The following LTBR variants were observed in gnomAD, a reference collection of about 807,000 sequenced individuals.
The protein encoded by LTBR is tumor necrosis factor receptor superfamily member 3.
LTBR carries 15 observed loss-of-function variants against 45.4 expected under a neutral mutation model. The ratio of observed to expected loss-of-function variants is 0.33; its 90% CI spans 0.22 to 0.51. LTBR has a LOEUF of 0.51. LTBR is among the 20% of genes least tolerant of loss of function. The probability of loss-of-function intolerance (pLI) is 0.97; values close to 1 mark genes in which losing one functional copy is unlikely to be tolerated. For missense variants in LTBR, 450 were observed against 565.5 expected, an observed-to-expected ratio of 0.80 and a Z score of 2.07; for synonymous variants, 228 against 231.0, an observed-to-expected ratio of 0.99 and a Z score of 0.12.
upstream of LTBR, among the ~76,000 whole-genome samples, chr12:6,380,659 C>T (rs1290861484): frequency 6.7e-6 from 1 of 149,840 alleles, no homozygotes; most frequent in African/African-American, 2.5e-5. Context: ...CATTGCACTC[C>T]AGCCTGGGCG....
rs1324705350 is a variant in LTBR, at chr12:6,388,136, C to T, written c.668-262C>T. The stretch of plus-strand genomic sequence containing the variant: ...TGGTCTCTGAGCAGGAGGGCACCCA[C>T]ACCACCCCCAAACATGCCCATCCAT... On this transcript the variant is annotated intron_variant, in intron 6 of 9. Transcript: ENST00000228918. The surrounding 1 kb of genome is among the most constrained non-coding windows in gnomAD (Gnocchi z 4.3). 4.3e-6 allele frequency: 2 copies of T among 460,892 alleles called. No individual in the cohort carries two copies. Among genetic ancestry groups the T allele is most frequent in the East Asian group, 8.7e-5 (2 of 23,038 alleles). The allele number at this position is 460,892 out of a possible 1,614,324, so 28.6% of individuals were successfully genotyped here. A position where few individuals can be genotyped will look rare whatever the true frequency, so the allele number is the denominator to read the frequency against.
In LTBR at chr12:6,384,657, C is replaced by A. The variant is rs1313041350; in HGVS notation, c.166C>A (p.Arg56Ser). ...AAAGGAATACTATGAGCCCCAGCAC[C>A]GCATCTGCTGCTCCCGCTGCCCGCC... The part of the protein sequence containing the change: ...QEKEYYEPQH[R>S]ICCSRCPPGT... Residue 56 changes from arginine (R) to serine (S), a missense_variant, in exon 2 of 10, where the codon CGC (arginine) becomes AGC (serine). Arg to Ser is a moderately radical substitution (Grantham distance 110, BLOSUM62 -1). Transcript: ENST00000228918. The A allele has an allele frequency of 6.2e-7, 1 of 1,614,214 alleles. No homozygotes were observed. Among genetic ancestry groups the A allele is most frequent in the Non-Finnish European group, 8.5e-7 (1 of 1,180,028 alleles).
At chr12:6,390,375 G>A (rs949037029) in intron 9 of LTBR, 35 bp downstream of exon 9, 68 of 1,521,124 alleles carry the variant, frequency 4.5e-5, no homozygotes, top group Non-Finnish European at 5.8e-5. Context: ...AGGAAGGATG[G>A]GGAGGGAGGG....
chr12:6,381,746 G>A (rs3759328), upstream of LTBR, among the ~76,000 whole-genome samples: 5,413 of 152,282 alleles, frequency 0.036, 315 homozygotes, highest in East Asian at 0.31. Flanking sequence ...AGGCCAAGGC[G>A]GGTGGATCAC....
At chr12:6,375,206 C>T, upstream of LTBR, 1 of 1,445,078 alleles carries the variant, frequency 6.9e-7, no homozygotes, top group African/African-American at 1.4e-5. Context: ...CTCACTCCCT[C>T]TCTATCTGCC....
Position 6,391,525 on chromosome 12 carries a change from A to ATTTT in LTBR, c.*591_*592insTTTT, listed in dbSNP as rs1344819785. ...GGAAGGGGAGGAAAATGGCAAGTGT[A>ATTTT]TTTATATTGTAACCACATGCAAATA... On this transcript the variant is annotated 3_prime_UTR_variant, in exon 10 of 10. Transcript: ENST00000228918. 5 of 152,220 alleles carry ATTTT rather than the reference A, an allele frequency of 3.3e-5. No homozygotes were observed. 9.4% of individuals were successfully genotyped at this position (152,220 alleles called of 1,614,324 possible). A position where few individuals can be genotyped will look rare whatever the true frequency, so the allele number is the denominator to read the frequency against.
Position 6,391,082 on chromosome 12 carries a change from G to T in LTBR, c.*145G>T. ...GATTAAGGCTCAGACACCTCTGAGAGCAGGTGGGCACTGGCTGGGTACGGT... is the reference window on the plus strand; with the variant it reads ...GATTAAGGCTCAGACACCTCTGAGATCAGGTGGGCACTGGCTGGGTACGGT... On this transcript the variant is annotated 3_prime_UTR_variant, in exon 10 of 10. Coordinates refer to ENST00000228918, the MANE Select transcript of LTBR (RefSeq NM_002342.3). The T allele has an allele frequency of 3.6e-6, 3 of 837,674 alleles. No homozygotes were observed. The highest frequency in any genetic ancestry group is 5.2e-6 in the Non-Finnish European group (3 of 580,906). 51.9% of individuals were successfully genotyped at this position (837,674 alleles called of 1,614,324 possible). A position where few individuals can be genotyped will look rare whatever the true frequency, so the allele number is the denominator to read the frequency against.
In LTBR at chr12:6,388,330, C is replaced by G; in HGVS notation, c.668-68C>G. The G allele has an allele frequency of 8.0e-5, 93 of 1,162,470 alleles. No individual in the cohort carries two copies. The highest frequency in any genetic ancestry group is 1.9e-4 in the Middle Eastern group (1 of 5,138). 72.0% of individuals were successfully genotyped at this position (1,162,470 alleles called of 1,614,324 possible). The stretch of plus-strand genomic sequence containing the variant: ...GGGTTGCCCAGGGATCTGGAAAGCT[C>G]TTCCTTCTCCTCCTCCCCTCTGCCC... On this transcript the variant is annotated intron_variant, in intron 6 of 9. Transcript: ENST00000228918. This position sits in a 1 kb window ranked among gnomAD's most constrained non-coding sequence, Gnocchi z 4.3.
Position 6,375,504 on chromosome 12 carries a change from C to T in LTBR, c.-52C>T. 3.3e-6 allele frequency: 5 copies of T among 1,535,616 alleles called. No homozygotes were observed. The highest frequency in any genetic ancestry group is 4.4e-6 in the Non-Finnish European group (5 of 1,146,860). ...GCAGCCAAACCTCTCCTCCCCCTCA[C>T]CTGACAGGTGCAGCGGCCTGGCTGG... On this transcript the variant is annotated 5_prime_UTR_variant, in exon 1 of 10. Coordinates refer to the LTBR transcript ENST00000539925.
rs1443966079 is a variant in LTBR at position 6,390,280 on chromosome 12, C to T, written c.970C>T (p.Pro324Ser). 7.4e-6 allele frequency: 12 copies of T among 1,613,856 alleles called. No homozygotes were observed. Among genetic ancestry groups the T allele is most frequent in the Non-Finnish European group, 1.0e-5 (12 of 1,179,916 alleles). Residue 324 changes from proline (P) to serine (S), a missense_variant, in exon 9 of 10, where the codon CCT (proline) becomes TCT (serine). By Grantham distance (74) the Pro-to-Ser change is moderately conservative. Coordinates refer to ENST00000228918, the MANE Select transcript of LTBR (RefSeq NM_002342.3). ...GGCAGGGGTGCCGCAACAGCAGAGT[C>T]CTCTGGACCTGACCAGGGAGCCGCA... ...LEAGVPQQQS[P>S]LDLTREPQLE...
rs1167188500 is a variant in LTBR at position 6,388,736 on chromosome 12, G to A, written c.776-64G>A. On this transcript the variant is annotated intron_variant, in intron 7 of 9. Coordinates refer to ENST00000228918, the MANE Select transcript of LTBR (RefSeq NM_002342.3). This position sits in a 1 kb window ranked among gnomAD's most constrained non-coding sequence, Gnocchi z 4.3. ...TTGCTACACATTGTGCTGGGATGTG[G>A]AGGCTGAAAGGCTAGGTCTGAGGCC... is the stretch of plus-strand genomic sequence containing the variant. 1 of 1,602,724 alleles carries A rather than the reference G, an allele frequency of 6.2e-7. No individual in the cohort carries two copies. The highest frequency in any genetic ancestry group is 1.3e-5 in the African/African-American group (1 of 74,684).
chr12:6,386,725 C>T lies in LTBR; in HGVS notation c.667+281C>T. 1 of 356,334 alleles carries T rather than the reference C, an allele frequency of 2.8e-6. No homozygotes were observed. The allele number at this position is 356,334 out of a possible 1,614,324, so 22.1% of individuals were successfully genotyped here. A position where few individuals can be genotyped will look rare whatever the true frequency, so the allele number is the denominator to read the frequency against. On this transcript the variant is annotated intron_variant, in intron 6 of 9. Coordinates refer to ENST00000228918, the MANE Select transcript of LTBR (RefSeq NM_002342.3). This position sits in a 1 kb window ranked among gnomAD's most constrained non-coding sequence, Gnocchi z 4.1. ...TAACTACTATTGTCATCATTTTGGG[C>T]TTACCAACATTACACAATCCGTTTT...
In LTBR at chr12:6,386,762, C is replaced by A. The variant is rs1949055102; in HGVS notation, c.667+318C>A. The A allele has an allele frequency of 3.6e-6, 1 of 280,948 alleles. No homozygotes were observed. Among genetic ancestry groups the A allele is most frequent in the Non-Finnish European group, 6.7e-6 (1 of 150,198 alleles). 17.4% of individuals were successfully genotyped at this position (280,948 alleles called of 1,614,324 possible). On this transcript the variant is annotated intron_variant, in intron 6 of 9. Coordinates refer to ENST00000228918, the MANE Select transcript of LTBR (RefSeq NM_002342.3). This position sits in a 1 kb window ranked among gnomAD's most constrained non-coding sequence, Gnocchi z 4.1. Reference sequence around the variant, plus strand: ...ACACAATCCGTTTTTTTTTTTCACACAATCCATTAACTAGACCAAACACCT... The same window carrying A: ...ACACAATCCGTTTTTTTTTTTCACAAAATCCATTAACTAGACCAAACACCT...
intron 1 of LTBR, among the ~76,000 whole-genome samples, chr12:6,377,950 G>T (rs890201457): frequency 7.9e-5 from 12 of 152,348 alleles, no homozygotes; most frequent in African/African-American, 2.9e-4. Context: ...CCTGGAGCGG[G>T]CTAGAACAGG....
At chr12:6,377,411 C>T in intron 1 of LTBR, 4 of 745,642 alleles carry the variant, frequency 5.4e-6, no homozygotes, top group Non-Finnish European at 8.9e-6. Flanking sequence ...TTCTCCTCCT[C>T]CTCTGGGGCT....
Position 6,385,128 on chromosome 12 carries a change from G to C in LTBR, c.300G>C (p.Leu100=). ...GGAACTACCTGACCATCTGCCAGCTGTGCCGCCCCTGTGACCCAGGTGAGT... is the reference window on the plus strand; with the variant it reads ...GGAACTACCTGACCATCTGCCAGCTCTGCCGCCCCTGTGACCCAGGTGAGT... ...EHWNYLTICQ[L]CRPCDPVMGL... is the part of the protein sequence containing the mutation. Residue 100 remains leucine, a synonymous_variant, in exon 3 of 10, where the codon CTG becomes CTC. Coordinates refer to ENST00000228918, the MANE Select transcript of LTBR (RefSeq NM_002342.3). The C allele has an allele frequency of 6.2e-7, 1 of 1,614,222 alleles. No individual in the cohort carries two copies. The highest frequency in any genetic ancestry group is 8.5e-7 in the Non-Finnish European group (1 of 1,180,038).
intron 2 of LTBR, 136 bp from the exon 3 acceptor site, chr12:6,384,886 G>A: frequency 8.2e-7 from 1 of 1,219,082 alleles, no homozygotes; most frequent in South Asian, 1.3e-5. Context: ...ACCTCACTGA[G>A]AGGGAGCCGG....
Position 6,388,228 on chromosome 12 carries a change from AG to A in LTBR, c.668-167del. ...CTTAGTTCCCCTTCTCTATAACCCA[AG>A]GGAAGTTTCTCTCATTCTGCCTTTA... On this transcript the variant is annotated intron_variant, in intron 6 of 9. Coordinates refer to ENST00000228918, the MANE Select transcript of LTBR (RefSeq NM_002342.3). The surrounding 1 kb of genome is among the most constrained non-coding windows in gnomAD (Gnocchi z 4.3). 1.7e-6 allele frequency: 1 copy of A among 590,664 alleles called. No individual in the cohort carries two copies. The highest frequency in any genetic ancestry group is 3.0e-6 in the Non-Finnish European group (1 of 330,066). 36.6% of individuals were successfully genotyped at this position (590,664 alleles called of 1,614,324 possible).
At chr12:6,377,934 T>A (rs1948936310) in intron 1 of LTBR, among the ~76,000 whole-genome samples, 1 of 152,224 alleles carries the variant, frequency 6.6e-6, no homozygotes, top group Admixed American at 6.5e-5. Context: ...GCTGCAGCAT[T>A]CTAGACCTGG....
Sources: gnomAD v4.1 joint callset for allele counts (sites outside exome capture counted in the v4.1 genomes callset) on GRCh38, gnomAD v4.1.1 for gene constraint, Gnocchi (gnomAD v3.1) non-coding constraint, MANE v1.5 for transcripts, NCBI Gene and HGNC (gene_info 2026-07-23, HGNC 2026-07-21) for gene names.